JAZF1: variants seen among roughly 807,000 people sequenced by gnomAD.
The protein encoded by JAZF1 is juxtaposed with another zinc finger protein 1.
JAZF1 carries 8 observed loss-of-function variants against 26.4 expected under a neutral mutation model. The ratio of observed to expected loss-of-function variants is 0.30; its 90% CI spans 0.18 to 0.55. The LOEUF (loss-of-function observed/expected upper bound fraction) is 0.55, where lower values mean the gene tolerates loss of function less well. Ranked by LOEUF, JAZF1 falls within the 20% of genes least tolerant of loss-of-function variation. The pLI is 0.94. For synonymous variants in JAZF1, 126 were observed against 122.3 expected, an observed-to-expected ratio of 1.03 and a Z score of -0.20; for missense variants, 199 against 322.0, an observed-to-expected ratio of 0.62 and a Z score of 2.92.
intron 1 of JAZF1, among the ~76,000 whole-genome samples, chr7:28,110,136 A>G (rs570512899): frequency 6.6e-6 from 1 of 152,260 alleles, no homozygotes; most frequent in Non-Finnish European, 1.5e-5. Context: ...TTATAATTAG[A>G]AAGTTTAGGC....
intron 1 of JAZF1, 128 bp from the exon 2 acceptor site, chr7:27,992,109 C>T: frequency 1.4e-6 from 1 of 720,428 alleles, no homozygotes; most frequent in East Asian, 2.6e-5. Context: ...TTAAAGAAAA[C>T]TGAGTCGGCG....
chr7:27,994,672 A>C (rs919122391), intron 1 of JAZF1, among the ~76,000 whole-genome samples: 1 of 152,200 alleles, frequency 6.6e-6, no homozygotes, highest in Non-Finnish European at 1.5e-5. Context: ...GAAATTAGGC[A>C]CTTGGTGCCC....
intron 1 of JAZF1, among the ~76,000 whole-genome samples, chr7:27,997,156 C>G (rs115445418): frequency 6.6e-6 from 1 of 152,134 alleles, no homozygotes; most frequent in African/African-American, 2.4e-5. Flanking sequence ...CAGCCAGGAT[C>G]TGAAGACCCT....
intron 3 of JAZF1, among the ~76,000 whole-genome samples, chr7:27,870,100 T>A (rs930321526): frequency 3.6e-5 from 4 of 110,456 alleles, no homozygotes; most frequent in African/African-American, 1.0e-4. Flanking sequence ...TTTTTTTTTG[T>A]ATTTTTAGTA....
intron 1 of JAZF1, among the ~76,000 whole-genome samples, chr7:28,016,272 T>C (rs1782891911): frequency 6.6e-6 from 1 of 152,176 alleles, no homozygotes; most frequent in African/African-American, 2.4e-5. Flanking sequence ...GTCACTTACT[T>C]ACCTCTTTCT....
intron 3 of JAZF1, among the ~76,000 whole-genome samples, chr7:27,889,450 C>A (rs866405997): frequency 6.6e-6 from 1 of 152,176 alleles, no homozygotes; most frequent in Non-Finnish European, 1.5e-5. Context: ...GAAAGAGATC[C>A]ATTCAACTCT....
At chr7:27,872,503 C>A (rs12154776) in intron 3 of JAZF1, among the ~76,000 whole-genome samples, 33,531 of 152,108 alleles carry the variant, frequency 0.22, 3,873 homozygotes, top group Middle Eastern at 0.31. Flanking sequence ...CGCGGGTATA[C>A]GGCTGAGAAA....
chr7:27,943,435 G>A (rs1041146470), intron 2 of JAZF1, among the ~76,000 whole-genome samples: 7 of 152,174 alleles, frequency 4.6e-5, no homozygotes, highest in Non-Finnish European at 8.8e-5. Flanking sequence ...CCAGATGCGG[G>A]TCTCTCACAG....
chr7:28,023,759 G>A (rs1208934344), intron 1 of JAZF1, among the ~76,000 whole-genome samples: 1 of 152,214 alleles, frequency 6.6e-6, no homozygotes, highest in Admixed American at 6.5e-5. Flanking sequence ...GACAGTTTTA[G>A]TAAGAGAGAG....
intron 1 of JAZF1, among the ~76,000 whole-genome samples, chr7:28,062,086 T>C (rs1783806852): frequency 6.6e-6 from 1 of 152,192 alleles, no homozygotes; most frequent in Admixed American, 6.5e-5. Context: ...CTCCTATTGA[T>C]TTGTTTATAA....
At chr7:27,966,859 G>A (rs1785285297) in intron 2 of JAZF1, among the ~76,000 whole-genome samples, 1 of 152,178 alleles carries the variant, frequency 6.6e-6, no homozygotes, top group Non-Finnish European at 1.5e-5. Context: ...CAATGAAGCA[G>A]TATAAGCAAC....
chr7:27,868,233 TCAA>T (rs1783514904), intron 3 of JAZF1, among the ~76,000 whole-genome samples: 1 of 152,202 alleles, frequency 6.6e-6, no homozygotes, highest in Non-Finnish European at 1.5e-5. Context: ...CGTTGCTTGC[TCAA>T]CAACTTTAAG....
chr7:28,104,365 G>A (rs1397872618), intron 1 of JAZF1, among the ~76,000 whole-genome samples: 1 of 152,078 alleles, frequency 6.6e-6, no homozygotes, highest in Non-Finnish European at 1.5e-5. Context: ...TTTCTTTATT[G>A]TTTTGTTCCC....
chr7:28,136,413 G>A (rs1782887182), intron 1 of JAZF1, among the ~76,000 whole-genome samples: 1 of 152,182 alleles, frequency 6.6e-6, no homozygotes, highest in Admixed American at 6.5e-5. Flanking sequence ...CCCTCAAGAA[G>A]GAAAAGACAG....
At chr7:28,152,265 G>A (rs1016075019) in intron 1 of JAZF1, among the ~76,000 whole-genome samples, 8 of 152,138 alleles carry the variant, frequency 5.3e-5, no homozygotes, top group East Asian at 1.9e-4. Flanking sequence ...TGCTCTATAC[G>A]ATTTTCCCAT....
At chr7:28,035,409 CAAGT>C (rs1783274114) in intron 1 of JAZF1, among the ~76,000 whole-genome samples, 1 of 144,834 alleles carries the variant, frequency 6.9e-6, no homozygotes, top group Non-Finnish European at 1.5e-5. Context: ...GCATTAATCT[CAAGT>C]AAGTAAAAAA....
intron 1 of JAZF1, among the ~76,000 whole-genome samples, chr7:28,017,876 C>T (rs1316065244): frequency 2.6e-5 from 4 of 152,172 alleles, no homozygotes; most frequent in East Asian, 1.9e-4. Flanking sequence ...GGGGTTCAAG[C>T]GATTCTTGTG....
intron 1 of JAZF1, among the ~76,000 whole-genome samples, chr7:28,056,815 A>G (rs1340440292): frequency 5.3e-5 from 8 of 152,122 alleles, no homozygotes; most frequent in Non-Finnish European, 5.9e-5. Context: ...CCTCACCTCC[A>G]TGACTTAAGA....
chr7:28,142,327 A>G (rs1452441040), intron 1 of JAZF1, among the ~76,000 whole-genome samples: 1 of 152,120 alleles, frequency 6.6e-6, no homozygotes, highest in Non-Finnish European at 1.5e-5. Flanking sequence ...CAACAATTCC[A>G]ACAAAGGTAC....
Sources: gnomAD v4.1 joint callset for allele counts (sites outside exome capture counted in the v4.1 genomes callset) on GRCh38, gnomAD v4.1.1 for gene constraint, MANE v1.5 for transcripts, NCBI Gene and HGNC (gene_info 2026-07-23, HGNC 2026-07-21) for gene names.